The following ANKRD30B variants were observed in gnomAD, a reference collection of about 807,000 sequenced individuals.
ANKRD30B encodes ankyrin repeat domain 30B, also known as ankyrin repeat domain-containing protein 30B.
ANKRD30B carries 144 observed loss-of-function variants against 202.2 expected under a neutral mutation model. The observed-to-expected ratio is 0.71, with a 90% CI of 0.62 to 0.82. The LOEUF is 0.82. Ranked by LOEUF, ANKRD30B falls within the 40% of genes least tolerant of loss-of-function variation. ANKRD30B has a pLI of 0.00. For missense variants in ANKRD30B, 1,487 were observed against 1,669.1 expected (o/e 0.89, Z 1.90); for synonymous variants, 508 against 561.3 (o/e 0.91, Z 1.34).
chr18:14,928,469 A>G, the ANKRD30B span, among the ~76,000 whole-genome samples: 1 of 152,304 alleles, frequency 6.6e-6, no homozygotes, highest in South Asian at 2.1e-4. Context: ...AACAGAAAGA[A>G]CAAAGTGGTG....
chr18:14,781,406 T>G (rs1401353787), intron 11 of ANKRD30B, among the ~76,000 whole-genome samples: 1 of 144,006 alleles, frequency 6.9e-6, no homozygotes, highest in Non-Finnish European at 1.5e-5. Context: ...GCCATTCTCC[T>G]GCCTCAGCCT....
intron 32 of ANKRD30B, among the ~76,000 whole-genome samples, chr18:14,824,965 C>G (rs1178329294): frequency 6.6e-6 from 1 of 152,168 alleles, no homozygotes; most frequent in East Asian, 1.9e-4. Flanking sequence ...TTGTGGAATA[C>G]AACAGTTTGC....
chr18:14,886,806 A>G, the ANKRD30B span, among the ~76,000 whole-genome samples: 3 of 152,256 alleles, frequency 2.0e-5, no homozygotes, highest in Non-Finnish European at 2.9e-5. Context: ...TCACAAGACT[A>G]CAGTTACTGA....
the ANKRD30B span, among the ~76,000 whole-genome samples, chr18:14,933,980 C>T: frequency 2.0e-5 from 3 of 152,226 alleles, no homozygotes; most frequent in Admixed American, 2.0e-4. Flanking sequence ...TGTCTCAGGG[C>T]CTTGCCCGCC....
the ANKRD30B span, among the ~76,000 whole-genome samples, chr18:14,914,830 G>T: frequency 1.3e-4 from 20 of 152,150 alleles, no homozygotes; most frequent in African/African-American, 4.3e-4. Context: ...CATCCAGGAA[G>T]ATAAACCAAG....
intron 26 of ANKRD30B, 89 bp downstream of exon 26, chr18:14,808,833 CTTTAGAAAA>C (rs1393979642): frequency 2.3e-6 from 3 of 1,282,746 alleles, no homozygotes; most frequent in Non-Finnish European, 3.2e-6. Context: ...ATGTTGTTTT[CTTTAGAAAA>C]TTTGGTGGGA....
chr18:14,794,177 TA>T (rs1252963132), intron 16 of ANKRD30B, among the ~76,000 whole-genome samples: 2 of 151,872 alleles, frequency 1.3e-5, no homozygotes, highest in African/African-American at 4.8e-5. Flanking sequence ...TACCCCTTTA[TA>T]AAAAAAAGTA....
the ANKRD30B span, among the ~76,000 whole-genome samples, chr18:14,906,305 CCT>C: frequency 6.6e-6 from 1 of 152,040 alleles, no homozygotes; most frequent in African/African-American, 2.4e-5. Flanking sequence ...TGTTCTCTGT[CCT>C]CTCTCTTTTG....
intron 14 of ANKRD30B, among the ~76,000 whole-genome samples, chr18:14,785,657 C>T (rs1968032955): frequency 6.6e-6 from 1 of 152,102 alleles, no homozygotes; most frequent in Non-Finnish European, 1.5e-5. Flanking sequence ...TGAAACGATC[C>T]AGGGTATGCT....
intron 22 of ANKRD30B, among the ~76,000 whole-genome samples, chr18:14,800,034 G>A (rs941840972): frequency 1.6e-4 from 24 of 151,838 alleles, no homozygotes; most frequent in Middle Eastern, 3.4e-3. Context: ...AGTCGCAGAC[G>A]AGCCTGGTCA....
chr18:14,791,033 G>A (rs1484012288), intron 15 of ANKRD30B, among the ~76,000 whole-genome samples: 1 of 152,060 alleles, frequency 6.6e-6, no homozygotes, highest in Non-Finnish European at 1.5e-5. Context: ...GACTCTTTTT[G>A]GTTGGTAAGC....
At chr18:14,751,504 C>A (rs1913448195) in intron 1 of ANKRD30B, among the ~76,000 whole-genome samples, 1 of 151,372 alleles carries the variant, frequency 6.6e-6, no homozygotes, top group Non-Finnish European at 1.5e-5. Flanking sequence ...CAAACAAAAA[C>A]ACTTCTGAAG....
At chr18:14,879,716 G>A in the ANKRD30B span, among the ~76,000 whole-genome samples, 3 of 151,462 alleles carry the variant, frequency 2.0e-5, no homozygotes, top group South Asian at 2.1e-4. Context: ...GTTGGGGTTA[G>A]GGGTTAGGGT....
chr18:14,815,613 G>T (rs1361953477), intron 30 of ANKRD30B, among the ~76,000 whole-genome samples: 4 of 152,142 alleles, frequency 2.6e-5, no homozygotes, highest in African/African-American at 9.7e-5. Context: ...AAAGCGTTAT[G>T]TTGCTCTTAC....
Position 14,772,236 on chromosome 18 carries a change from G to A in ANKRD30B, c.1329+8G>A, listed in dbSNP as rs762157067. On this transcript the variant is annotated splice_region_variant and intron_variant, in intron 9 of 43. Coordinates refer to ENST00000690538, the MANE Select transcript of ANKRD30B (RefSeq NM_001367607.2). ...TTTAATCTTGCTACCAAGGTAAAAT[G>A]TTCTTTTGTGAAGTTGATTTTCTCA... The A allele has an allele frequency of 6.8e-7, 1 of 1,476,690 alleles. No homozygotes were observed. The highest frequency in any genetic ancestry group is 2.5e-5 in the East Asian group (1 of 39,478). 91.5% of individuals were successfully genotyped at this position (1,476,690 alleles called of 1,614,324 possible).
At chr18:14,792,316 G>T (rs1172472411) in intron 16 of ANKRD30B, among the ~76,000 whole-genome samples, 1 of 152,042 alleles carries the variant, frequency 6.6e-6, no homozygotes, top group Non-Finnish European at 1.5e-5. Context: ...GACAGAAAAG[G>T]GTCAGGAGAA....
Position 14,809,386 on chromosome 18 carries a change from G to C in ANKRD30B, c.2387-600G>C, listed in dbSNP as rs34109233. ...TAACAGTTGCAGCAAAAGCTGGTTA[G>C]AAACAATCCATAGAAACACAATGTG... On this transcript the variant is annotated intron_variant, in intron 26 of 43. Transcript: ENST00000690538. 1.7e-4 allele frequency among the ~76,000 whole-genome samples: 26 copies of C among 150,918 alleles called. 1 individual carries two copies. Among genetic ancestry groups the C allele is most frequent in the East Asian group, 5.8e-4 (3 of 5,172 alleles).
chr18:14,865,752 G>C, the ANKRD30B span, among the ~76,000 whole-genome samples: 1 of 151,166 alleles, frequency 6.6e-6, no homozygotes, highest in Non-Finnish European at 1.5e-5. Flanking sequence ...CTTTCCTACC[G>C]CTCCAGCCAC....
At chr18:14,914,020 G>A in the ANKRD30B span, among the ~76,000 whole-genome samples, 5 of 152,200 alleles carry the variant, frequency 3.3e-5, no homozygotes, top group Admixed American at 3.3e-4. Context: ...AAGTACTGCA[G>A]CTTGTGTCAG....
Sources: gnomAD v4.1 joint callset for allele counts (sites outside exome capture counted in the v4.1 genomes callset) on GRCh38, gnomAD v4.1.1 for gene constraint, MANE v1.5 for transcripts, NCBI Gene and HGNC (gene_info 2026-07-23, HGNC 2026-07-21) for gene names.